SPSB4: variants seen among roughly 807,000 people sequenced by gnomAD.
SPSB4 encodes the protein splA/ryanodine receptor domain and SOCS box containing 4.
Under a neutral mutation model 20.9 loss-of-function variants are expected in SPSB4, and 21 were observed. The observed-to-expected ratio is 1.01, with a 90% CI of 0.71 to 1.45. The LOEUF is 1.45. Ranked by LOEUF, SPSB4 falls within the 40% of genes most tolerant of loss-of-function variation. SPSB4 has a pLI of 0.00. For synonymous variants in SPSB4, 207 were observed against 183.8 expected, an observed-to-expected ratio of 1.13 and a Z score of -1.02; for missense variants, 399 against 399.2, an observed-to-expected ratio of 1.00 and a Z score of 0.00.
At chr3:141,118,249 G>T (rs1478161378) in intron 2 of SPSB4, among the ~76,000 whole-genome samples, 1 of 152,218 alleles carries the variant, frequency 6.6e-6, no homozygotes, top group African/African-American at 2.4e-5. Context: ...CACCAGTGAT[G>T]ATGAGCATTT....
chr3:141,099,330 G>A (rs187750947), intron 2 of SPSB4, among the ~76,000 whole-genome samples: 23 of 152,110 alleles, frequency 1.5e-4, no homozygotes, highest in Admixed American at 2.6e-4. Flanking sequence ...GACTACAGGC[G>A]CATGCCACCA....
intron 2 of SPSB4, among the ~76,000 whole-genome samples, chr3:141,133,517 C>T (rs1198889315): frequency 1.3e-5 from 2 of 152,112 alleles, no homozygotes; most frequent in African/African-American, 4.8e-5. Context: ...TGTGACTTGT[C>T]AAATCCCAGC....
Position 141,118,160 on chromosome 3 carries a change from C to A in SPSB4, c.695-28982C>A, listed in dbSNP as rs138973649. ...TCCTATTTCTCCACATCCTCTCCAG[C>A]ACCTGTCTTTTTAATGATTGCCATT... On this transcript the variant is annotated intron_variant, in intron 2 of 2. Coordinates refer to ENST00000310546, the MANE Select transcript of SPSB4 (RefSeq NM_080862.3). Among the ~76,000 whole-genome samples the A allele has an allele frequency of 2.0e-5, 3 of 152,090 alleles. No individual in the cohort carries two copies. In the East Asian group the frequency reaches 5.8e-4, roughly 29 times the overall value.
chr3:141,093,960 T>G (rs1244770232), intron 2 of SPSB4, among the ~76,000 whole-genome samples: 1 of 152,074 alleles, frequency 6.6e-6, no homozygotes, highest in Non-Finnish European at 1.5e-5. Flanking sequence ...CTCTGGGAAG[T>G]GGAGGCTAGC....
intron 1 of SPSB4, among the ~76,000 whole-genome samples, chr3:141,057,507 G>A (rs765937372): frequency 2.6e-5 from 4 of 152,128 alleles, no homozygotes; most frequent in South Asian, 2.1e-4. Flanking sequence ...GTTCGTGCTC[G>A]TGCATTCCAT....
Position 141,127,667 on chromosome 3 carries a change from C to T in SPSB4, c.695-19475C>T, listed in dbSNP as rs530704067. Among the ~76,000 whole-genome samples, 31 of 152,286 alleles carry T rather than the reference C, an allele frequency of 2.0e-4. No individual in the cohort carries two copies. In the South Asian group the frequency reaches 2.1e-3, roughly 10 times the overall value. ...GATTTCTGTTCTGCCAAACGTCAACCGGTGGAGAGGAGCCTCAGCCATCAC... is the reference window on the plus strand; with the variant it reads ...GATTTCTGTTCTGCCAAACGTCAACTGGTGGAGAGGAGCCTCAGCCATCAC... On this transcript the variant is annotated intron_variant, in intron 2 of 2. Transcript: ENST00000310546.
At chr3:141,111,955 C>T (rs1007700550) in intron 2 of SPSB4, among the ~76,000 whole-genome samples, 3 of 152,186 alleles carry the variant, frequency 2.0e-5, no homozygotes, top group African/African-American at 7.2e-5. Context: ...TGAGCAGCTT[C>T]CCGTCTCTCC....
intron 2 of SPSB4, among the ~76,000 whole-genome samples, chr3:141,116,439 T>C (rs1287873386): frequency 1.3e-5 from 2 of 152,242 alleles, no homozygotes; most frequent in Non-Finnish European, 2.9e-5. Flanking sequence ...ATGGGGCCCT[T>C]GGGACTCAGG....
intron 2 of SPSB4, among the ~76,000 whole-genome samples, chr3:141,118,460 A>G (rs1218310077): frequency 6.6e-6 from 1 of 152,116 alleles, no homozygotes; most frequent in East Asian, 1.9e-4. Flanking sequence ...CTCTGATGAT[A>G]GGTTCTTTTG....
intron 1 of SPSB4, among the ~76,000 whole-genome samples, chr3:141,057,456 T>G (rs7651293): frequency 2.0e-5 from 3 of 152,080 alleles, no homozygotes; most frequent in Non-Finnish European, 2.9e-5. Context: ...CATTCTTAAG[T>G]GTTGGTTCTT....
intron 2 of SPSB4, among the ~76,000 whole-genome samples, chr3:141,106,228 C>G (rs1938687281): frequency 6.6e-6 from 1 of 152,188 alleles, no homozygotes; most frequent in South Asian, 2.1e-4. Context: ...TCCTATGTTG[C>G]ACTGAACTCA....
At chr3:141,101,758 A>G (rs1300204063) in intron 2 of SPSB4, among the ~76,000 whole-genome samples, 1 of 152,190 alleles carries the variant, frequency 6.6e-6, no homozygotes, top group Non-Finnish European at 1.5e-5. Context: ...CCTTAAGCTA[A>G]ACAACTGACA....
chr3:141,111,370 T>C (rs1205868201), intron 2 of SPSB4, among the ~76,000 whole-genome samples: 2 of 144,970 alleles, frequency 1.4e-5, no homozygotes, highest in African/African-American at 5.2e-5. Context: ...TTTTTTTTTT[T>C]TTTTTTTTTT....
intron 2 of SPSB4, among the ~76,000 whole-genome samples, chr3:141,084,923 C>T (rs1218456157): frequency 6.6e-6 from 1 of 152,178 alleles, no homozygotes; most frequent in African/African-American, 2.4e-5. Flanking sequence ...CGAAAGACAG[C>T]TATGGATACA....
intron 2 of SPSB4, among the ~76,000 whole-genome samples, chr3:141,081,547 C>T (rs1192841109): frequency 1.3e-5 from 2 of 151,268 alleles, no homozygotes; most frequent in Non-Finnish European, 2.9e-5. Context: ...AAACCTTAGG[C>T]GAATGTCAAA....
chr3:141,093,416 G>T (rs561957417), intron 2 of SPSB4, among the ~76,000 whole-genome samples: 1 of 152,042 alleles, frequency 6.6e-6, no homozygotes, highest in Non-Finnish European at 1.5e-5. Context: ...ACTTTCCCAA[G>T]GTCACCCAAC....
At position 141,147,439 on chromosome 3, in the gene SPSB4, T is replaced by C; in HGVS notation, c.*170T>C. On this transcript the variant is annotated 3_prime_UTR_variant, in exon 3 of 3. Coordinates refer to ENST00000310546, the MANE Select transcript of SPSB4 (RefSeq NM_080862.3). Reference sequence around the variant, plus strand: ...TGGTACCAACTTTGGAAACGAAAGGTCTCTTGCCAACAGTATCTACTGCCC... The same window carrying C: ...TGGTACCAACTTTGGAAACGAAAGGCCTCTTGCCAACAGTATCTACTGCCC... The C allele has an allele frequency of 8.5e-7, 1 of 1,169,648 alleles. No homozygotes were observed. The highest frequency in any genetic ancestry group is 1.2e-6 in the Non-Finnish European group (1 of 845,420). 72.5% of individuals were successfully genotyped at this position (1,169,648 alleles called of 1,614,324 possible). A position where few individuals can be genotyped will look rare whatever the true frequency, so the allele number is the denominator to read the frequency against.
chr3:141,083,360 C>G (rs577954022), intron 2 of SPSB4, among the ~76,000 whole-genome samples: 3 of 152,288 alleles, frequency 2.0e-5, no homozygotes, highest in Admixed American at 2.0e-4. Flanking sequence ...GCCACCCCCC[C>G]ACCCTCTGTA....
At chr3:141,113,484 C>T (rs1275629902) in intron 2 of SPSB4, among the ~76,000 whole-genome samples, 1 of 152,192 alleles carries the variant, frequency 6.6e-6, no homozygotes, top group East Asian at 1.9e-4. Flanking sequence ...CGGATACATG[C>T]TACAACATCA....
Sources: gnomAD v4.1 joint callset for allele counts (sites outside exome capture counted in the v4.1 genomes callset) on GRCh38, gnomAD v4.1.1 for gene constraint, MANE v1.5 for transcripts, NCBI Gene and HGNC (gene_info 2026-07-23, HGNC 2026-07-21) for gene names.